Variants in TMPRSS11B observed in about 807,000 individuals in gnomAD.
The protein encoded by TMPRSS11B is transmembrane protease serine 11B.
TMPRSS11B carries 53 observed loss-of-function variants against 44.7 expected under a neutral mutation model. The observed-to-expected ratio is 1.19, with a 90% CI of 0.95 to 1.49. The LOEUF is 1.49. Among genes scored for constraint, TMPRSS11B ranks in the 40% most tolerant of loss-of-function variants. The probability of loss-of-function intolerance (pLI) is 0.00; values close to 1 mark genes in which losing one functional copy is unlikely to be tolerated. For missense variants in TMPRSS11B, 526 were observed against 494.8 expected, an observed-to-expected ratio of 1.06 and a Z score of -0.60; for synonymous variants, 140 against 159.2, an observed-to-expected ratio of 0.88 and a Z score of 0.91.
At chr4:68,241,570 A>G in intron 2 of TMPRSS11B, 119 bp downstream of exon 2, 1 of 684,086 alleles carries the variant, frequency 1.5e-6, no homozygotes, top group Non-Finnish European at 2.4e-6. Flanking sequence ...CTGTGTTGAA[A>G]TAAAATAGTA....
At chr4:68,232,052 G>A (rs1057337025) in intron 6 of TMPRSS11B, 12 of 171,110 alleles carry the variant, frequency 7.0e-5, no homozygotes, top group Non-Finnish European at 1.3e-4. Flanking sequence ...TATATAGCCT[G>A]GTTTTATATT....
intron 1 of TMPRSS11B, among the ~76,000 whole-genome samples, chr4:68,242,942 T>G (rs375269278): frequency 6.6e-6 from 1 of 152,214 alleles, no homozygotes; most frequent in Non-Finnish European, 1.5e-5. Flanking sequence ...AGTTGTTTTA[T>G]CATCAAAGCC....
Position 68,228,774 on chromosome 4 carries a change from C to T in TMPRSS11B, c.1057G>A (p.Gly353Arg), listed in dbSNP as rs138554652. The T allele has an allele frequency of 1.2e-4, 196 of 1,612,894 alleles. 1 individual carries two copies. Among genetic ancestry groups the T allele is most frequent in the Non-Finnish European group, 1.6e-4 (192 of 1,179,540 alleles). Residue 353 changes from glycine (G) to arginine (R), a missense_variant, in exon 9 of 10, where the codon GGA (glycine) becomes AGA (arginine). Physicochemically the swap from Gly to Arg is moderately radical, Grantham distance 125. Transcript: ENST00000332644. Reference protein sequence around the residue: ...GFVTDTMLCAGFMSGEADACQ... With the variant: ...GFVTDTMLCARFMSGEADACQ... ...GCATCAGCTTCTCCTGACATAAATC[C>T]AGCACATAACATTGTATCAGTCACA...
intron 9 of TMPRSS11B, 64 bp from the exon 10 acceptor site, chr4:68,228,136 T>C: frequency 7.0e-7 from 1 of 1,424,932 alleles, no homozygotes. Flanking sequence ...ACCTCTCCTG[T>C]GGAGTTATCT....
In TMPRSS11B at chr4:68,235,991, C is replaced by T. The variant is rs576886818; in HGVS notation, c.308+11G>A. ...TTCCTTTCATAAAATCTTAAATGAA[C>T]TTGTACTTACAGAAGTTTGATGACC... On this transcript the variant is annotated intron_variant, in intron 4 of 9. Transcript: ENST00000332644. The T allele has an allele frequency of 3.8e-5, 58 of 1,519,280 alleles. 1 individual carries two copies. The South Asian group carries it at 7.3e-4, about 19-fold the overall frequency. 94.1% of individuals were successfully genotyped at this position (1,519,280 alleles called of 1,614,324 possible).
intron 1 of TMPRSS11B, 68 bp downstream of exon 1, chr4:68,245,483 C>G: frequency 1.3e-6 from 2 of 1,542,340 alleles, no homozygotes; most frequent in Admixed American, 1.7e-5. Context: ...TAACAAAAAA[C>G]TAGAACATAC....
chr4:68,232,373 C>A lies in TMPRSS11B; in HGVS notation c.508+5G>T, dbSNP rs774974262. The A allele has an allele frequency of 1.9e-6, 3 of 1,611,902 alleles. No individual in the cohort carries two copies. Among genetic ancestry groups the A allele is most frequent in the South Asian group, 2.2e-5 (2 of 90,756 alleles). On this transcript the variant is annotated splice_donor_5th_base_variant and intron_variant, in intron 6 of 9. Coordinates refer to ENST00000332644, the MANE Select transcript of TMPRSS11B (RefSeq NM_182502.3). ...AAATTTATAATTAAAAGGTCCTTAACTTACAGTTGTTGGTAAGCATTTCAG... is the reference window on the plus strand; with the variant it reads ...AAATTTATAATTAAAAGGTCCTTAAATTACAGTTGTTGGTAAGCATTTCAG...
chr4:68,245,621 G>T lies in TMPRSS11B; in HGVS notation c.-63C>A. 6.3e-7 allele frequency: 1 copy of T among 1,579,812 alleles called. No homozygotes were observed. The highest frequency in any genetic ancestry group is 8.7e-7 in the Non-Finnish European group (1 of 1,149,990). ...TGGTAATGATGATGACGAAGATAACGATAACGATGACAATGCTGGTAATAG... is the reference window on the plus strand; with the variant it reads ...TGGTAATGATGATGACGAAGATAACTATAACGATGACAATGCTGGTAATAG... On this transcript the variant is annotated 5_prime_UTR_variant, in exon 1 of 10. Coordinates refer to ENST00000332644, the MANE Select transcript of TMPRSS11B (RefSeq NM_182502.3).
At chr4:68,234,380 C>G in intron 5 of TMPRSS11B, 83 bp downstream of exon 5, 1 of 1,447,158 alleles carries the variant, frequency 6.9e-7, no homozygotes, top group Non-Finnish European at 9.3e-7. Context: ...TACTAAAACT[C>G]TTAGTTCACT....
chr4:68,241,333 TAGC>T (rs1290988404), intron 2 of TMPRSS11B, among the ~76,000 whole-genome samples: 1 of 152,090 alleles, frequency 6.6e-6, no homozygotes, highest in African/African-American at 2.4e-5. Context: ...TAATAACCAA[TAGC>T]AGAATTGAAC....
At chr4:68,229,683 C>A (rs987632529) in intron 7 of TMPRSS11B, 167 bp from the exon 8 acceptor site, 9 of 569,990 alleles carry the variant, frequency 1.6e-5, no homozygotes, top group Non-Finnish European at 2.6e-5. Flanking sequence ...GTAAATGTTG[C>A]AGTCACTTAA....
At chr4:68,241,644 A>AAATTTAAATTTTTAAAATTT in intron 2 of TMPRSS11B, 45 bp downstream of exon 2, 1 of 1,209,104 alleles carries the variant, frequency 8.3e-7, no homozygotes, top group Non-Finnish European at 1.2e-6. Flanking sequence ...TTTAAAATTT[A>AAATTTAAATTTTTAAAATTT]AAGATTTATA....
At position 68,236,046 on chromosome 4, in the gene TMPRSS11B, G is replaced by T. The variant is rs904761824; in HGVS notation, c.264C>A (p.Ser88=). 2.2e-5 allele frequency: 35 copies of T among 1,591,412 alleles called. No individual in the cohort carries two copies. The highest frequency in any genetic ancestry group is 2.8e-5 in the Non-Finnish European group (33 of 1,170,538). Residue 88 remains serine (S), a synonymous_variant, in exon 4 of 10, where the codon TCC becomes TCA. Transcript: ENST00000332644. ...ATTTGACATATTCCTTATATATACT[G>T]GAATTTTGAAATGCATTTAACATCT... is the stretch of plus-strand genomic sequence containing the variant. ...ETKMLNAFQN[S]SIYKEYVKSE... is the part of the protein sequence containing the mutation.
At chr4:68,239,367 C>T (rs575753411) in intron 2 of TMPRSS11B, among the ~76,000 whole-genome samples, 21 of 152,200 alleles carry the variant, frequency 1.4e-4, no homozygotes, top group African/African-American at 4.1e-4. Context: ...GGAAAGGCCA[C>T]GGGAAGGCAC....
intron 8 of TMPRSS11B, 50 bp downstream of exon 8, chr4:68,229,207 A>G (rs1560440435): frequency 5.1e-6 from 6 of 1,184,074 alleles, no homozygotes; most frequent in Non-Finnish European, 6.8e-6. Context: ...TGATTGATTG[A>G]TTAAATAGTT....
intron 9 of TMPRSS11B, 73 bp downstream of exon 9, chr4:68,228,669 A>G (rs1719420256): frequency 6.6e-7 from 1 of 1,508,956 alleles, no homozygotes; most frequent in Non-Finnish European, 8.9e-7. Context: ...TAACACAAAA[A>G]AAATTTTATG....
chr4:68,240,173 T>A (rs1479046448), intron 2 of TMPRSS11B, among the ~76,000 whole-genome samples: 2 of 152,168 alleles, frequency 1.3e-5, no homozygotes, highest in African/African-American at 4.8e-5. Flanking sequence ...TCCAGCTAAT[T>A]TCATACCACT....
intron 5 of TMPRSS11B, among the ~76,000 whole-genome samples, chr4:68,232,927 T>A (rs766407368): frequency 6.7e-6 from 1 of 149,868 alleles, no homozygotes; most frequent in African/African-American, 2.5e-5. Flanking sequence ...CTCTTTACTC[T>A]GAAATGCTCA....
chr4:68,240,806 CTG>C (rs34172126), intron 2 of TMPRSS11B, among the ~76,000 whole-genome samples: 2,648 of 152,130 alleles, frequency 0.017, 69 homozygotes, highest in African/African-American at 0.06. Flanking sequence ...TTGAAAGAAA[CTG>C]TGTAATTTTT....
Sources: allele counts gnomAD v4.1 joint callset (sites outside exome capture counted in the v4.1 genomes callset), GRCh38; gene constraint gnomAD v4.1.1; transcripts MANE v1.5; gene names NCBI Gene and HGNC (gene_info 2026-07-23, HGNC 2026-07-21).